The following SETD2 variants were observed in gnomAD, a reference collection of about 807,000 sequenced individuals.
The protein encoded by SETD2 is histone-lysine N-methyltransferase SETD2.
A neutral mutation model predicts 242.1 loss-of-function variants in SETD2; 31 were observed. That is an observed-to-expected ratio of 0.13 (90% confidence interval 0.10 to 0.17). SETD2 has a LOEUF of 0.17. SETD2 is among the 10% of genes least tolerant of loss of function. The pLI is 1.00. For missense variants in SETD2, 2,481 were observed against 3,046.3 expected, an observed-to-expected ratio of 0.81 and a Z score of 4.37; for synonymous variants, 1,006 against 1,066.5, an observed-to-expected ratio of 0.94 and a Z score of 1.11.
chr3:47,155,539 G>A (rs1028237468), intron 1 of SETD2, among the ~76,000 whole-genome samples: 9 of 152,154 alleles, frequency 5.9e-5, no homozygotes, highest in Admixed American at 2.0e-4. Flanking sequence ...TCTGACAGGC[G>A]CAGTGGCTCA....
chr3:47,113,082 T>C (rs867967580), intron 5 of SETD2, among the ~76,000 whole-genome samples: 8 of 149,886 alleles, frequency 5.3e-5, no homozygotes, highest in Non-Finnish European at 1.0e-4. Context: ...TTAACCTTGA[T>C]ATGCTCAGGT....
chr3:47,050,723 C>CTCTTTTTTTTTTTTTTTTT (rs1553682525), intron 15 of SETD2, among the ~76,000 whole-genome samples: 1 of 66,878 alleles, frequency 1.5e-5, no homozygotes, highest in Non-Finnish European at 2.6e-5. Flanking sequence ...TTTCCTCTCT[C>CTCTTTTTTTTTTTTTTTTT]TTTTTTTTTT....
chr3:47,140,216 A>AT (rs2043694377), intron 1 of SETD2, among the ~76,000 whole-genome samples: 1 of 152,188 alleles, frequency 6.6e-6, no homozygotes, highest in African/African-American at 2.4e-5. Flanking sequence ...TAACAACTGT[A>AT]TTTATGCCTG....
intron 18 of SETD2, among the ~76,000 whole-genome samples, chr3:47,021,975 C>T (rs55927279): frequency 0.35 from 52,657 of 151,640 alleles, 9,574 homozygotes; most frequent in Middle Eastern, 0.48. Context: ...GGTGAAACCT[C>T]GTCTCTACTA....
rs1428858409 is a variant in SETD2, at chr3:47,123,515, T to A, written c.1121A>T (p.Asp374Val). Reference protein sequence around the residue: ...GKPSRSKTDRDDKYFSYSKLE... With the variant: ...GKPSRSKTDRVDKYFSYSKLE... ...TTTTGAATAGCTAAAATATTTATCA[T>A]CTCTGTCTGTTTTAGATCGTGAAGG... The change falls in exon 3 of 21, where the codon GAT (aspartate) becomes GTT (valine). Residue 374 changes from aspartate to valine, a missense_variant. Physicochemically the swap from Asp to Val is radical, Grantham distance 152. This residue lies in a region of SETD2 where 1,300 missense variants were observed against 1,259.2 expected (regional missense o/e 1.03). Transcript: ENST00000409792. 61 of 1,550,770 alleles carry A rather than the reference T, an allele frequency of 3.9e-5. No individual in the cohort carries two copies. Among genetic ancestry groups the A allele is most frequent in the Non-Finnish European group, 5.1e-5 (59 of 1,146,984 alleles).
Position 47,057,430 on chromosome 3 carries a change from T to C in SETD2, c.6354A>G (p.Thr2118=), listed in dbSNP as rs759326574. ...VRIKDRNKLS[T]EERRKLFEQE... ...GCTCAAACAACTTCCGGCGTTCCTC[T>C]GTAGAAAGTTTATTGCGGTCTTTAA... is the stretch of plus-strand genomic sequence containing the variant. Residue 2118 remains threonine, a synonymous_variant, in exon 15 of 21, where the codon ACA becomes ACG. Transcript: ENST00000409792. 74 of 1,614,128 alleles carry C rather than the reference T, an allele frequency of 4.6e-5. No homozygotes were observed. Among genetic ancestry groups the C allele is most frequent in the Non-Finnish European group, 6.3e-5 (74 of 1,180,044 alleles).
At chr3:47,117,281 C>CAAAAAA (rs71615400) in intron 3 of SETD2, among the ~76,000 whole-genome samples, 2 of 53,596 alleles carry the variant, frequency 3.7e-5, no homozygotes, top group Admixed American at 2.0e-4. Context: ...AAAAAAAAAA[C>CAAAAAA]AAACAAAAAA....
intron 15 of SETD2, among the ~76,000 whole-genome samples, chr3:47,049,879 A>G (rs2039739540): frequency 7.2e-6 from 1 of 139,264 alleles, no homozygotes; most frequent in Non-Finnish European, 1.5e-5. Context: ...TTCTGAGTTT[A>G]TAGTATATAT....
In SETD2 at chr3:47,128,944, T is replaced by C. The variant is rs1379178849; in HGVS notation, c.72-2281A>G. ...GTCCAACCAAGGCTTATCTGCATAGTACGCACACATACGAAATGCTAGAAA... is the reference window on the plus strand; with the variant it reads ...GTCCAACCAAGGCTTATCTGCATAGCACGCACACATACGAAATGCTAGAAA... On this transcript the variant is annotated intron_variant, in intron 1 of 20. Transcript: ENST00000409792. 2.0e-5 allele frequency among the ~76,000 whole-genome samples: 3 copies of C among 152,230 alleles called. No individual in the cohort carries two copies. The East Asian group carries it at 5.8e-4, about 29-fold the overall frequency.
At chr3:47,134,120 C>G (rs1430918427) in intron 1 of SETD2, among the ~76,000 whole-genome samples, 1 of 152,160 alleles carries the variant, frequency 6.6e-6, no homozygotes, top group Non-Finnish European at 1.5e-5. Context: ...TTACCTTCAC[C>G]ATTAGGAAAC....
chr3:47,134,571 T>C (rs2043550830), intron 1 of SETD2, among the ~76,000 whole-genome samples: 2 of 152,006 alleles, frequency 1.3e-5, no homozygotes. Context: ...TTATGGCAAA[T>C]GTGAAAACTA....
rs1175497058 is a variant in SETD2 at position 47,017,388 on chromosome 3, A to AGAT, written c.7534-137_7534-135dup. The AGAT allele has an allele frequency of 1.0e-6, 1 of 953,140 alleles. No individual in the cohort carries two copies. The highest frequency in any genetic ancestry group is 1.6e-6 in the Non-Finnish European group (1 of 643,848). 59.0% of individuals were successfully genotyped at this position (953,140 alleles called of 1,614,324 possible). ...CAAGACAGGAAGTTAATAAGGGGGT[A>AGAT]GATGTTGGGGCAGGCTGGTGCTATG... On this transcript the variant is annotated intron_variant, in intron 20 of 20. Coordinates refer to ENST00000409792, the MANE Select transcript of SETD2 (RefSeq NM_014159.7). This position sits in a 1 kb window ranked among gnomAD's most constrained non-coding sequence, Gnocchi z 4.8.
chr3:47,037,666 C>T lies in SETD2; in HGVS notation c.7350G>A (p.Lys2450=), dbSNP rs1167873049. 1.2e-6 allele frequency: 2 copies of T among 1,610,474 alleles called. No individual in the cohort carries two copies. The highest frequency in any genetic ancestry group is 1.7e-6 in the Non-Finnish European group (2 of 1,177,032). The change falls in exon 18 of 21, where the codon AAG becomes AAA. Residue 2450 remains lysine, a splice_region_variant and synonymous_variant. Coordinates refer to ENST00000409792, the MANE Select transcript of SETD2 (RefSeq NM_014159.7). ...GTPTYDENPM[K]ASKKPKTAEA... is the part of the protein sequence containing the mutation. ...AAATACATGTGTAAGCCACACTCACCTTCATGGGGTTTTCATCATATGTTG... is the reference window on the plus strand; with the variant it reads ...AAATACATGTGTAAGCCACACTCACTTTCATGGGGTTTTCATCATATGTTG...
intron 13 of SETD2, among the ~76,000 whole-genome samples, chr3:47,063,059 T>C (rs1214611976): frequency 7.9e-5 from 12 of 152,336 alleles, no homozygotes; most frequent in Admixed American, 4.6e-4. Context: ...AATCTGTGCA[T>C]ACTCAAGTCC....
At chr3:47,052,593 G>A (rs111534621) in intron 15 of SETD2, among the ~76,000 whole-genome samples, 1 of 152,082 alleles carries the variant, frequency 6.6e-6, no homozygotes, top group East Asian at 1.9e-4. Flanking sequence ...GAGGCAGGTG[G>A]ATCACCTGAG....
rs373744856 is a variant in SETD2 at position 47,121,491 on chromosome 3, T to C, written c.3145A>G (p.Ser1049Gly). 27 of 1,613,926 alleles carry C rather than the reference T, an allele frequency of 1.7e-5. No individual in the cohort carries two copies. The highest frequency in any genetic ancestry group is 2.7e-5 in the African/African-American group (2 of 74,946). The part of the protein sequence containing the change: ...SGSSESSNDE[S>G]DSEDTDSDDS... ...TCCGAATCTGTATCTTCTGAATCACTTTCATCATTTGAACTTTCAGAAGAG... is the reference window on the plus strand; with the variant it reads ...TCCGAATCTGTATCTTCTGAATCACCTTCATCATTTGAACTTTCAGAAGAG... Residue 1049 changes from serine to glycine, a missense_variant, in exon 3 of 21, where the codon AGT becomes GGT. By Grantham distance (56) the Ser-to-Gly change is moderately conservative (BLOSUM62 0). This residue lies in a region of SETD2 where 1,300 missense variants were observed against 1,259.2 expected (regional missense o/e 1.03). Coordinates refer to ENST00000409792, the MANE Select transcript of SETD2 (RefSeq NM_014159.7).
At chr3:47,163,665 G>T (rs1487665327) in intron 1 of SETD2, 189 bp downstream of exon 1, 4 of 377,546 alleles carry the variant, frequency 1.1e-5, no homozygotes, top group Non-Finnish European at 1.7e-5. Flanking sequence ...CCCAACCGCG[G>T]GCCTGCTGCG....
rs1193656443 is a variant in SETD2 at position 47,056,889 on chromosome 3, C to T, written c.6895G>A (p.Gly2299Arg). ...CCATAGACTGTTGGACATGTCTGTC[C>T]TTGATAATATATGGTTGCTTGAGAC... ...AQSQATIYYQGQTCPTVYGVT... is the reference protein window; with the variant it reads ...AQSQATIYYQRQTCPTVYGVT... Residue 2299 changes from glycine (G) to arginine (R), a missense_variant, in exon 15 of 21, where the codon GGA (glycine) becomes AGA (arginine). Around this residue, in one of 17 missense-constraint regions of SETD2, gnomAD observed 235 missense variants for 293.9 expected, o/e 0.80. Coordinates refer to ENST00000409792, the MANE Select transcript of SETD2 (RefSeq NM_014159.7). 10 of 1,614,060 alleles carry T rather than the reference C, an allele frequency of 6.2e-6. No homozygotes were observed. The East Asian group carries it at 2.0e-4, about 32-fold the overall frequency.
Position 47,088,122 on chromosome 3 carries a change from T to C in SETD2, c.5268A>G (p.Glu1756=), listed in dbSNP as rs752039809. ...ACATTAAAGTGTTCACCTGTATGAG[T>C]TCCAGACAGGTAAGTTTCTGCTCCA... ...ETLEQKLTCL[E]LIQNTHSQSC... The change falls in exon 10 of 21, where the codon GAA becomes GAG. Residue 1756 remains glutamate, a synonymous_variant. Transcript: ENST00000409792. 4.3e-6 allele frequency: 7 copies of C among 1,613,210 alleles called. No individual in the cohort carries two copies. The Middle Eastern group carries it at 8.2e-4, about 190-fold the overall frequency.
Sources: gnomAD v4.1 joint callset for allele counts (sites outside exome capture counted in the v4.1 genomes callset) on GRCh38, gnomAD v4.1.1 for gene constraint, gnomAD v4.1.1 regional missense constraint, Gnocchi (gnomAD v3.1) non-coding constraint, MANE v1.5 for transcripts, NCBI Gene and HGNC (gene_info 2026-07-23, HGNC 2026-07-21) for gene names.